ADGRB1: variants seen among roughly 807,000 people sequenced by gnomAD.
The protein encoded by ADGRB1 is adhesion G protein-coupled receptor B1.
A neutral mutation model predicts 175.7 loss-of-function variants in ADGRB1; 36 were observed. That is an observed-to-expected ratio of 0.20 (90% CI 0.16 to 0.27). ADGRB1 has a LOEUF of 0.27. Ranked by LOEUF, ADGRB1 falls within the 10% of genes least tolerant of loss-of-function variation. The pLI is 1.00. For missense variants in ADGRB1, 1,731 were observed against 2,255.3 expected, an observed-to-expected ratio of 0.77 and a Z score of 4.71; for synonymous variants, 1,054 against 979.4, an observed-to-expected ratio of 1.08 and a Z score of -1.42.
intron 1 of ADGRB1, among the ~76,000 whole-genome samples, chr8:142,456,763 C>T (rs904730109): frequency 2.0e-5 from 3 of 152,238 alleles, no homozygotes; most frequent in South Asian, 2.1e-4. Flanking sequence ...GCCTGCCCGC[C>T]GTGGTGGGGT....
Position 142,535,713 on chromosome 8 carries a change from A to G in ADGRB1, c.3571-1274A>G, listed in dbSNP as rs368495682. Among the ~76,000 whole-genome samples the G allele has an allele frequency of 5.9e-5, 9 of 152,136 alleles. No individual in the cohort carries two copies. The East Asian group carries it at 1.4e-3, about 23-fold the overall frequency. ...TGGCTCGGGTGTTCCTGGAGAGGGTACCAGAGGGACTTGGGGAGCCCCAGC... is the reference window on the plus strand; with the variant it reads ...TGGCTCGGGTGTTCCTGGAGAGGGTGCCAGAGGGACTTGGGGAGCCCCAGC... On this transcript the variant is annotated intron_variant, in intron 25 of 30. Coordinates refer to ENST00000517894, the MANE Select transcript of ADGRB1 (RefSeq NM_001702.3).
chr8:142,520,879 C>T lies in ADGRB1; in HGVS notation c.2978C>T (p.Ser993Phe). The T allele has an allele frequency of 6.2e-7, 1 of 1,613,730 alleles. No homozygotes were observed. Among genetic ancestry groups the T allele is most frequent in the South Asian group, 1.1e-5 (1 of 91,086 alleles). ...ILINFCLSIISSNALILIGQT... is the reference protein window; with the variant it reads ...ILINFCLSIIFSNALILIGQT... ...ATCAACTTCTGCCTGTCCATCATCT[C>T]CTCCAATGCCCTCATCCTCATCGGG... Residue 993 changes from serine to phenylalanine, a missense_variant, in exon 20 of 31, where the codon TCC becomes TTC. Physicochemically the swap from Ser to Phe is radical, Grantham distance 155. Coordinates refer to ENST00000517894, the MANE Select transcript of ADGRB1 (RefSeq NM_001702.3).
intron 1 of ADGRB1, 58 bp from the exon 2 acceptor site, chr8:142,463,922 G>A (rs1001407709): frequency 1.3e-5 from 4 of 311,438 alleles, no homozygotes; most frequent in Non-Finnish European, 2.3e-5. Context: ...CCACCCCCAT[G>A]CCCAGAGCCC....
intron 19 of ADGRB1, among the ~76,000 whole-genome samples, chr8:142,518,540 C>T (rs1359499259): frequency 6.6e-6 from 1 of 152,178 alleles, no homozygotes; most frequent in Non-Finnish European, 1.5e-5. Context: ...CCCTGTCTAC[C>T]CTTAGGCATG....
chr8:142,479,221 A>G, intron 7 of ADGRB1, 102 bp from the exon 8 acceptor site: 1 of 1,280,288 alleles, frequency 7.8e-7, no homozygotes, highest in Non-Finnish European at 1.0e-6. Context: ...TCACTGCCGC[A>G]TGGCTCTGTG....
rs372600299 is a variant in ADGRB1, at chr8:142,542,233, G to C, written c.3999G>C (p.Leu1333=). Residue 1333 remains leucine (L), a synonymous_variant, in exon 28 of 31, where the codon CTG becomes CTC. Coordinates refer to ENST00000517894, the MANE Select transcript of ADGRB1 (RefSeq NM_001702.3). The surrounding 1 kb of genome is among the most constrained non-coding windows in gnomAD (Gnocchi z 6.3). ...TCTTCAAGAAGCTGGACTCGGAGCT[G>C]AGCCGGGCCCAGGAGAAGGCTCTGG... ...GDIFKKLDSE[L]SRAQEKALDT... 4.4e-5 allele frequency: 71 copies of C among 1,613,598 alleles called. No individual in the cohort carries two copies. The African/African-American group carries it at 6.4e-4, about 15-fold the overall frequency.
chr8:142,469,137 G>C (rs1197539894), intron 2 of ADGRB1, among the ~76,000 whole-genome samples: 1 of 137,706 alleles, frequency 7.3e-6, no homozygotes, highest in Non-Finnish European at 1.5e-5. Context: ...GTGCGTGTGT[G>C]CATGTGTGTG....
chr8:142,514,197 T>C (rs1425726881), intron 18 of ADGRB1, among the ~76,000 whole-genome samples: 1 of 151,944 alleles, frequency 6.6e-6, no homozygotes, highest in Non-Finnish European at 1.5e-5. Context: ...CTACAGGGGC[T>C]GCTGACCAGG....
At chr8:142,457,305 G>T (rs1839735387) in intron 1 of ADGRB1, among the ~76,000 whole-genome samples, 1 of 152,202 alleles carries the variant, frequency 6.6e-6, no homozygotes, top group South Asian at 2.1e-4. Context: ...CAGGTGGGGG[G>T]TCAGATGAAG....
Position 142,533,606 on chromosome 8 carries a change from G to C in ADGRB1, c.3570+140G>C, listed in dbSNP as rs572387745. 1.6e-5 allele frequency: 17 copies of C among 1,040,944 alleles called. No homozygotes were observed. The African/African-American group carries it at 2.2e-4, about 14-fold the overall frequency. 64.5% of individuals were successfully genotyped at this position (1,040,944 alleles called of 1,614,324 possible). ...TGACCCTGACACATCTGCAGGCCTC[G>C]GTGGTCCACAGAGCGGGGCCTGCAG... On this transcript the variant is annotated intron_variant, in intron 25 of 30. Transcript: ENST00000517894.
At chr8:142,490,094 C>G (rs1401857649) in intron 16 of ADGRB1, among the ~76,000 whole-genome samples, 1 of 152,220 alleles carries the variant, frequency 6.6e-6, no homozygotes, top group East Asian at 1.9e-4. Context: ...AGGCCTCCAG[C>G]CCAGGCCAGG....
At chr8:142,528,564 C>A (rs1587420220) in intron 24 of ADGRB1, among the ~76,000 whole-genome samples, 1 of 152,026 alleles carries the variant, frequency 6.6e-6, no homozygotes, top group Non-Finnish European at 1.5e-5. Flanking sequence ...CCCGCACCCC[C>A]TCGGGCGCGC....
In ADGRB1 at chr8:142,475,652, C is replaced by G. The variant is rs1206339248; in HGVS notation, c.946+17C>G. On this transcript the variant is annotated intron_variant, in intron 3 of 30. Transcript: ENST00000517894. ...CCTGCGGCCGTGAGTGCGGGCGGGG[C>G]GGGGCGGAGCCGGAGCCCTGGAGAG... 1 of 1,044,418 alleles carries G rather than the reference C, an allele frequency of 9.6e-7. No homozygotes were observed. The highest frequency in any genetic ancestry group is 1.8e-5 in the African/African-American group (1 of 55,274). 64.7% of individuals were successfully genotyped at this position (1,044,418 alleles called of 1,614,324 possible). A position where few individuals can be genotyped will look rare whatever the true frequency, so the allele number is the denominator to read the frequency against.
Position 142,464,791 on chromosome 8 carries a change from C to G in ADGRB1, c.593C>G (p.Ala198Gly), listed in dbSNP as rs1233165063. 1.3e-6 allele frequency: 2 copies of G among 1,535,090 alleles called. No homozygotes were observed. ...MLCRWLDACL[A>G]GSRSSHPCGI... Reference sequence around the variant, plus strand: ...TGCCGCTGGCTGGACGCGTGTCTGGCCGGTAGTCGCAGCTCGCACCCCTGC... The same window carrying G: ...TGCCGCTGGCTGGACGCGTGTCTGGGCGGTAGTCGCAGCTCGCACCCCTGC... The change falls in exon 2 of 31, where the codon GCC becomes GGC. Residue 198 changes from alanine (A) to glycine (G), a missense_variant. By Grantham distance (60) the Ala-to-Gly change is moderately conservative. This residue lies in a region of ADGRB1 where 383 missense variants were observed against 383.1 expected (regional missense o/e 1.00). Transcript: ENST00000517894.
rs1843596427 is a variant in ADGRB1, at chr8:142,518,787, C to A, written c.2921+546C>A. 2.6e-5 allele frequency among the ~76,000 whole-genome samples: 4 copies of A among 152,236 alleles called. No individual in the cohort carries two copies. In the South Asian group the frequency reaches 8.3e-4, roughly 31 times the overall value. The stretch of plus-strand genomic sequence containing the variant: ...GAGTGTGTGGACGCGCCTCCAGGCA[C>A]TCCCCGCTATCTGCTCCTGTCCCAT... On this transcript the variant is annotated intron_variant, in intron 19 of 30. Coordinates refer to ENST00000517894, the MANE Select transcript of ADGRB1 (RefSeq NM_001702.3).
intron 25 of ADGRB1, among the ~76,000 whole-genome samples, chr8:142,535,729 G>A (rs1261323161): frequency 6.6e-6 from 1 of 152,168 alleles, no homozygotes; most frequent in African/African-American, 2.4e-5. Flanking sequence ...GGGACTTGGG[G>A]AGCCCCAGCT....
rs994620192 is a variant in ADGRB1 at position 142,537,732 on chromosome 8, C to T, written c.3666+650C>T. Among the ~76,000 whole-genome samples, 3 of 152,160 alleles carry T rather than the reference C, an allele frequency of 2.0e-5. No homozygotes were observed. The highest frequency in any genetic ancestry group is 6.5e-5 in the Admixed American group (1 of 15,280). On this transcript the variant is annotated intron_variant, in intron 26 of 30. Transcript: ENST00000517894. The surrounding 1 kb of genome is among the most constrained non-coding windows in gnomAD (Gnocchi z 4.6). ...TGCGCCTGTCCTCTTTACAGCACAGCGTTCCCACGACACGCACAGGTCCTG... is the reference window on the plus strand; with the variant it reads ...TGCGCCTGTCCTCTTTACAGCACAGTGTTCCCACGACACGCACAGGTCCTG...
Position 142,474,833 on chromosome 8 carries a change from C to T in ADGRB1, c.785-641C>T, listed in dbSNP as rs982329796. Among the ~76,000 whole-genome samples, 21 of 152,100 alleles carry T rather than the reference C, an allele frequency of 1.4e-4. No individual in the cohort carries two copies. The highest frequency in any genetic ancestry group is 1.5e-4 in the Non-Finnish European group (10 of 67,986). ...GCCTGCAGGCATTTATCCCAGGCTCCCTCCTCGGGTGGCCAGCTGGCCAGG... is the reference window on the plus strand; with the variant it reads ...GCCTGCAGGCATTTATCCCAGGCTCTCTCCTCGGGTGGCCAGCTGGCCAGG... On this transcript the variant is annotated intron_variant, in intron 2 of 30. Transcript: ENST00000517894. The surrounding 1 kb of genome is among the most constrained non-coding windows in gnomAD (Gnocchi z 5.8).
intron 11 of ADGRB1, among the ~76,000 whole-genome samples, chr8:142,483,273 C>T (rs1315197026): frequency 2.0e-5 from 3 of 150,016 alleles, no homozygotes; most frequent in Non-Finnish European, 4.4e-5. Context: ...ATCCTGGTCA[C>T]ACTGAGCCCT....
Sources: allele counts gnomAD v4.1 joint callset (sites outside exome capture counted in the v4.1 genomes callset), GRCh38; gene constraint gnomAD v4.1.1; regional missense constraint gnomAD v4.1.1; non-coding constraint Gnocchi (gnomAD v3.1); transcripts MANE v1.5; gene names NCBI Gene and HGNC (gene_info 2026-07-23, HGNC 2026-07-21).